FABP6: variants seen among roughly 807,000 people sequenced by gnomAD.
FABP6 encodes the protein fatty acid binding protein 6.
FABP6 carries 13 observed loss-of-function variants against 14.9 expected under a neutral mutation model. The ratio of observed to expected loss-of-function variants is 0.87; its 90% CI spans 0.57 to 1.39. FABP6 has a LOEUF of 1.39. FABP6 is among the 40% of genes most tolerant of loss of function. The pLI, the probability that FABP6 is intolerant of heterozygous loss-of-function variation, is 0.00. For missense variants in FABP6, 161 were observed against 167.2 expected, an observed-to-expected ratio of 0.96 and a Z score of 0.20; for synonymous variants, 75 against 63.6, an observed-to-expected ratio of 1.18 and a Z score of -0.85.
intron 2 of FABP6, among the ~76,000 whole-genome samples, chr5:160,211,493 A>G (rs1019459476): frequency 6.6e-6 from 1 of 152,170 alleles, no homozygotes; most frequent in African/African-American, 2.4e-5. Flanking sequence ...TATTCTGTCA[A>G]CGAGGACACC....
chr5:160,205,787 C>T (rs545535400), intron 2 of FABP6, among the ~76,000 whole-genome samples: 2 of 152,230 alleles, frequency 1.3e-5, no homozygotes, highest in Admixed American at 6.5e-5. Flanking sequence ...GCAGCCATTT[C>T]GTGACCTTGA....
At chr5:160,225,723 A>G (rs914047180), upstream of FABP6, among the ~76,000 whole-genome samples, 1 of 152,148 alleles carries the variant, frequency 6.6e-6, no homozygotes, top group Non-Finnish European at 1.5e-5. Context: ...TTTCAGAAAC[A>G]TGGGACCGTG....
At chr5:160,233,418 T>G (rs1760435887) in intron 2 of FABP6, among the ~76,000 whole-genome samples, 1 of 152,184 alleles carries the variant, frequency 6.6e-6, no homozygotes. Flanking sequence ...TTCACTCCCC[T>G]GAGCCTCATA....
intron 3 of FABP6, among the ~76,000 whole-genome samples, chr5:160,221,045 TAC>T (rs1341150320): frequency 7.0e-6 from 1 of 143,158 alleles, no homozygotes; most frequent in African/African-American, 2.7e-5. Flanking sequence ...GCCGAGATTG[TAC>T]CACTGCATTC....
intron 3 of FABP6, among the ~76,000 whole-genome samples, chr5:160,218,794 T>C (rs1760072306): frequency 6.6e-6 from 1 of 151,454 alleles, no homozygotes; most frequent in African/African-American, 2.4e-5. Flanking sequence ...GGTCTCATTC[T>C]GTCACCCAGG....
chr5:160,202,623 C>A (rs1303731714), intron 2 of FABP6, among the ~76,000 whole-genome samples: 1 of 151,782 alleles, frequency 6.6e-6, no homozygotes, highest in Non-Finnish European at 1.5e-5. Flanking sequence ...GGTGAAACCC[C>A]GTCTCTACTA....
chr5:160,227,831 T>A (rs557234555), upstream of FABP6, among the ~76,000 whole-genome samples: 1 of 149,528 alleles, frequency 6.7e-6, no homozygotes, highest in South Asian at 2.1e-4. Flanking sequence ...TGTGTGTGTG[T>A]GTGTGTGTGT....
chr5:160,237,459 C>A (rs1041364203), intron 3 of FABP6, among the ~76,000 whole-genome samples: 1 of 152,034 alleles, frequency 6.6e-6, no homozygotes, highest in African/African-American at 2.4e-5. Context: ...GATTGCAAAT[C>A]CCCCATCTCT....
chr5:160,204,413 G>A (rs1034222414), intron 2 of FABP6, among the ~76,000 whole-genome samples: 2 of 152,182 alleles, frequency 1.3e-5, no homozygotes, highest in African/African-American at 4.8e-5. Flanking sequence ...GGCACACAAT[G>A]AGTGATGCAT....
intron 1 of FABP6, among the ~76,000 whole-genome samples, chr5:160,191,805 CAA>C (rs144615205): frequency 0.24 from 30,614 of 130,136 alleles, 3,340 homozygotes; most frequent in South Asian, 0.27. Flanking sequence ...ACTAAAAATA[CAA>C]AAAAAAAAAA....
At chr5:160,220,438 G>A (rs570991473) in intron 3 of FABP6, among the ~76,000 whole-genome samples, 9 of 151,972 alleles carry the variant, frequency 5.9e-5, no homozygotes, top group South Asian at 4.2e-4. Context: ...GTGAGGCCTC[G>A]TCTCTACTAA....
chr5:160,203,788 G>A (rs114864886), intron 2 of FABP6, among the ~76,000 whole-genome samples: 773 of 150,672 alleles, frequency 5.1e-3, no homozygotes, highest in Non-Finnish European at 8.3e-3. Context: ...TGTAATCTCC[G>A]CCTTCCGGGT....
At chr5:160,190,087 A>T (rs910372978) in intron 1 of FABP6, among the ~76,000 whole-genome samples, 4 of 152,124 alleles carry the variant, frequency 2.6e-5, no homozygotes, top group African/African-American at 9.7e-5. Context: ...CTCTGAACAA[A>T]CTTGCCTCTG....
upstream of FABP6, chr5:160,229,329 G>A (rs1273170406): frequency 2.0e-6 from 2 of 978,290 alleles, no homozygotes; most frequent in African/African-American, 1.6e-5. Context: ...TGGCAATGGG[G>A]TGACAGCACT....
intron 3 of FABP6, 90 bp downstream of exon 3, chr5:160,234,999 G>T: frequency 9.4e-7 from 1 of 1,068,346 alleles, no homozygotes; most frequent in Non-Finnish European, 1.4e-6. Context: ...TACGCAGCTG[G>T]CTTTACCAGC....
At chr5:160,217,743 C>A (rs1450244690) in intron 3 of FABP6, among the ~76,000 whole-genome samples, 1 of 152,166 alleles carries the variant, frequency 6.6e-6, no homozygotes, top group African/African-American at 2.4e-5. Flanking sequence ...CTCAAGTGAT[C>A]TTCCCACCTC....
chr5:160,227,730 AACT>A, upstream of FABP6, among the ~76,000 whole-genome samples: 1 of 151,754 alleles, frequency 6.6e-6, no homozygotes, highest in African/African-American at 2.4e-5. Flanking sequence ...AGAGGTACCA[AACT>A]ACTATCACAG....
intron 2 of FABP6, among the ~76,000 whole-genome samples, chr5:160,213,521 T>C (rs555294851): frequency 6.6e-6 from 1 of 152,348 alleles, no homozygotes; most frequent in South Asian, 2.1e-4. Context: ...TAGCTGTTTG[T>C]CCTGTCCTGT....
intron 2 of FABP6, among the ~76,000 whole-genome samples, chr5:160,202,152 TC>T (rs1276156829): frequency 8.6e-5 from 13 of 152,004 alleles, no homozygotes; most frequent in African/African-American, 3.1e-4. Context: ...TACTTTCTGC[TC>T]TCTACAGGGG....
Sources: gnomAD v4.1 joint callset for allele counts (sites outside exome capture counted in the v4.1 genomes callset) on GRCh38, gnomAD v4.1.1 for gene constraint, MANE v1.5 for transcripts, NCBI Gene and HGNC (gene_info 2026-07-23, HGNC 2026-07-21) for gene names.